Variants in ATP2B2 observed in about 807,000 individuals in gnomAD.
ATP2B2 encodes plasma membrane calcium-transporting ATPase 2.
In ATP2B2, 15 loss-of-function variants were observed where a neutral mutation model predicts 120.0. The ratio of observed to expected loss-of-function variants is 0.12; its 90% CI spans 0.08 to 0.19. The LOEUF (loss-of-function observed/expected upper bound fraction) is 0.19, where lower values mean the gene tolerates loss of function less well. ATP2B2 is among the 10% of genes least tolerant of loss of function. The pLI is 1.00. For missense variants in ATP2B2, 1,045 were observed against 1,719.8 expected (o/e 0.61, Z 6.94); for synonymous variants, 694 against 700.3 (o/e 0.99, Z 0.14).
chr3:10,512,479 C>CAG (rs1559431481), intron 3 of ATP2B2, among the ~76,000 whole-genome samples: 7 of 74,764 alleles, frequency 9.4e-5, no homozygotes, highest in African/African-American at 3.8e-4. Context: ...CACACACACA[C>CAG]ACACACACAC....
chr3:10,629,801 A>G (rs1044848803), intron 1 of ATP2B2, among the ~76,000 whole-genome samples: 13 of 152,340 alleles, frequency 8.5e-5, no homozygotes, highest in African/African-American at 2.9e-4. Flanking sequence ...CACAAACTAT[A>G]TTAATCTCTG....
intron 9 of ATP2B2, 119 bp from the exon 10 acceptor site, chr3:10,378,529 C>G: frequency 7.3e-7 from 1 of 1,369,076 alleles, no homozygotes; most frequent in Non-Finnish European, 1.0e-6. Context: ...GTGCTGACTG[C>G]CTGGACTGAG....
At chr3:10,382,197 A>ATTTTTTT (rs58615119) in intron 8 of ATP2B2, among the ~76,000 whole-genome samples, 7,039 of 122,024 alleles carry the variant, frequency 0.058, 385 homozygotes, top group Non-Finnish European at 0.072. Flanking sequence ...AGCTAATTAA[A>ATTTTTTT]TTTTTTTTTT....
At chr3:10,520,309 G>A (rs997760140) in intron 3 of ATP2B2, among the ~76,000 whole-genome samples, 53 of 152,202 alleles carry the variant, frequency 3.5e-4, no homozygotes, top group Non-Finnish European at 2.6e-4. Context: ...CAAGCAGCAG[G>A]GGAGGGGGGT....
intron 1 of ATP2B2, among the ~76,000 whole-genome samples, chr3:10,655,870 C>T (rs1026580970): frequency 6.6e-6 from 1 of 152,218 alleles, no homozygotes; most frequent in Non-Finnish European, 1.5e-5. Context: ...CCCAATTCAA[C>T]GTGCCTCCTC....
At chr3:10,664,925 C>G (rs983966180) in intron 1 of ATP2B2, among the ~76,000 whole-genome samples, 1 of 152,114 alleles carries the variant, frequency 6.6e-6, no homozygotes, top group Non-Finnish European at 1.5e-5. Flanking sequence ...TTGGACACCT[C>G]CCCCAACCCA....
intron 2 of ATP2B2, among the ~76,000 whole-genome samples, chr3:10,613,748 T>A (rs2069304988): frequency 6.6e-6 from 1 of 151,704 alleles, no homozygotes; most frequent in Non-Finnish European, 1.5e-5. Context: ...CCTTGCCCCC[T>A]GCAGCAGACT....
chr3:10,350,570 T>G lies in ATP2B2; in HGVS notation c.2144A>C (p.Glu715Ala). Residue 715 changes from glutamate to alanine, a missense_variant, in exon 15 of 23, where the codon GAA (glutamate) becomes GCA (alanine). This residue lies in a region of ATP2B2 where 343 missense variants were observed against 536.8 expected (regional missense o/e 0.64). Transcript: ENST00000360273. The stretch of plus-strand genomic sequence containing the variant: ...TGCCCGCTGGCACTTGCGGATGGCT[T>G]CTGGGACCTGGGCAGGAGGGCAGGG... Reference protein sequence around the residue: ...IEDPVRPEVPEAIRKCQRAGI... With the variant: ...IEDPVRPEVPAAIRKCQRAGI... The G allele has an allele frequency of 6.2e-7, 1 of 1,612,776 alleles. No individual in the cohort carries two copies. The highest frequency in any genetic ancestry group is 1.1e-5 in the South Asian group (1 of 91,078).
At chr3:10,545,135 C>T (rs1370942840) in intron 2 of ATP2B2, among the ~76,000 whole-genome samples, 2 of 152,158 alleles carry the variant, frequency 1.3e-5, no homozygotes, top group African/African-American at 4.8e-5. Context: ...CGGAAAGAAG[C>T]GAGTCTCAGA....
At chr3:10,369,434 A>G (rs1184580361) in intron 12 of ATP2B2, among the ~76,000 whole-genome samples, 1 of 152,158 alleles carries the variant, frequency 6.6e-6, no homozygotes, top group Non-Finnish European at 1.5e-5. Flanking sequence ...TATGACCAAA[A>G]ACCTAGTCTG....
chr3:10,463,419 T>C (rs2064584949), intron 1 of ATP2B2, among the ~76,000 whole-genome samples: 1 of 152,198 alleles, frequency 6.6e-6, no homozygotes, highest in Non-Finnish European at 1.5e-5. Context: ...ATGGTAGGAA[T>C]AACTTATGCC....
At chr3:10,367,989 G>A (rs527791018) in intron 12 of ATP2B2, among the ~76,000 whole-genome samples, 4 of 152,272 alleles carry the variant, frequency 2.6e-5, no homozygotes, top group African/African-American at 7.2e-5. Context: ...CTGGTCTGTC[G>A]GACTTTAGAG....
At chr3:10,392,425 A>T (rs2061883186) in intron 5 of ATP2B2, among the ~76,000 whole-genome samples, 1 of 152,164 alleles carries the variant, frequency 6.6e-6, no homozygotes, top group African/African-American at 2.4e-5. Flanking sequence ...CATTCCCTAG[A>T]CCGTTCCCCT....
chr3:10,474,553 G>A (rs542196056), intron 1 of ATP2B2, among the ~76,000 whole-genome samples: 29 of 152,188 alleles, frequency 1.9e-4, no homozygotes, highest in Non-Finnish European at 3.8e-4. Flanking sequence ...AGCCACCCTG[G>A]CAGACCTGAC....
chr3:10,488,142 CA>C (rs2065769509), intron 1 of ATP2B2, among the ~76,000 whole-genome samples: 2 of 151,452 alleles, frequency 1.3e-5, no homozygotes, highest in South Asian at 4.2e-4. Context: ...TCCATCCTCC[CA>C]CCCACCCACC....
At chr3:10,534,703 C>T (rs2067274748) in intron 2 of ATP2B2, among the ~76,000 whole-genome samples, 3 of 152,046 alleles carry the variant, frequency 2.0e-5, no homozygotes, top group Non-Finnish European at 2.9e-5. Context: ...CCTCCTTTTC[C>T]TCATCTGGAG....
chr3:10,506,984 G>A (rs2066649644), upstream of ATP2B2, among the ~76,000 whole-genome samples: 1 of 152,252 alleles, frequency 6.6e-6, no homozygotes, highest in Non-Finnish European at 1.5e-5. Context: ...GAGCGCCTGA[G>A]GTGGGTCTCC....
intron 1 of ATP2B2, among the ~76,000 whole-genome samples, chr3:10,669,534 G>T (rs1451256232): frequency 6.6e-5 from 10 of 152,134 alleles, no homozygotes; most frequent in Non-Finnish European, 1.3e-4. Flanking sequence ...AATCACCTGG[G>T]GAGTTACAAA....
chr3:10,375,967 T>C lies in ATP2B2; in HGVS notation c.1202-323A>G, dbSNP rs941692930. ...CGACACATAGTAGGTGCTCAAGAGA[T>C]GTGTGCCGAGTGACTGTGTGAATAA... On this transcript the variant is annotated intron_variant, in intron 10 of 22. Transcript: ENST00000360273. The surrounding 1 kb of genome is among the most constrained non-coding windows in gnomAD (Gnocchi z 4.2). Among the ~76,000 whole-genome samples the C allele has an allele frequency of 1.3e-5, 2 of 152,246 alleles. No homozygotes were observed. The highest frequency in any genetic ancestry group is 1.3e-4 in the Admixed American group (2 of 15,292).
Sources: gnomAD v4.1 joint callset for allele counts (sites outside exome capture counted in the v4.1 genomes callset) on GRCh38, gnomAD v4.1.1 for gene constraint, gnomAD v4.1.1 regional missense constraint, Gnocchi (gnomAD v3.1) non-coding constraint, MANE v1.5 for transcripts, NCBI Gene and HGNC (gene_info 2026-07-23, HGNC 2026-07-21) for gene names.